Variants in VWA8 observed in about 807,000 individuals in gnomAD.
The protein encoded by VWA8 is von Willebrand factor A domain-containing protein 8.
Under a neutral mutation model 241.5 loss-of-function variants are expected in VWA8, and 221 were observed. The observed-to-expected ratio is 0.91, with a 90% confidence interval of 0.82 to 1.02. The LOEUF is 1.02. Ranked by LOEUF, VWA8 falls within the 50% of genes least tolerant of loss-of-function variation. The pLI is 0.00. For missense variants in VWA8, 2,322 were observed against 2,328.7 expected (o/e 1.00, Z 0.06); for synonymous variants, 852 against 827.1 (o/e 1.03, Z -0.52).
chr13:41,766,201 C>T (rs2045777958), intron 20 of VWA8, among the ~76,000 whole-genome samples: 1 of 152,016 alleles, frequency 6.6e-6, no homozygotes, highest in South Asian at 2.1e-4. Flanking sequence ...TTTTAGTTAC[C>T]CTGTTTCCTC....
At chr13:41,871,336 G>A (rs567376629) in intron 9 of VWA8, among the ~76,000 whole-genome samples, 2 of 151,790 alleles carry the variant, frequency 1.3e-5, no homozygotes, top group East Asian at 3.9e-4. Flanking sequence ...TTAAGTTTTA[G>A]GGTACATGTG....
chr13:41,703,942 C>T (rs1279839435), intron 26 of VWA8, among the ~76,000 whole-genome samples: 1 of 151,958 alleles, frequency 6.6e-6, no homozygotes. Context: ...CCACACCCGG[C>T]TAATTTTGTA....
chr13:41,929,899 T>C (rs1392260183), intron 2 of VWA8, among the ~76,000 whole-genome samples: 1 of 152,104 alleles, frequency 6.6e-6, no homozygotes, highest in Non-Finnish European at 1.5e-5. Context: ...TACATAAAAC[T>C]AAAAATCTTT....
chr13:41,578,148 CT>C (rs2044362076), intron 42 of VWA8, among the ~76,000 whole-genome samples: 2 of 152,168 alleles, frequency 1.3e-5, no homozygotes, highest in South Asian at 4.1e-4. Flanking sequence ...CTTCTTCCCT[CT>C]TCCCTTTCTT....
At chr13:41,960,116 C>G (rs764899498) in intron 1 of VWA8, among the ~76,000 whole-genome samples, 1 of 152,142 alleles carries the variant, frequency 6.6e-6, no homozygotes, top group Non-Finnish European at 1.5e-5. Context: ...CACCAACACA[C>G]AAGAAAAAGA....
chr13:41,881,704 A>G, intron 9 of VWA8, among the ~76,000 whole-genome samples: 1 of 145,406 alleles, frequency 6.9e-6, no homozygotes, highest in South Asian at 2.2e-4. Context: ...CACCTCCCGG[A>G]CGGGGCGGCT....
intron 14 of VWA8, among the ~76,000 whole-genome samples, chr13:41,828,665 T>C (rs978039415): frequency 5.3e-5 from 8 of 152,110 alleles, no homozygotes; most frequent in Non-Finnish European, 1.0e-4. Context: ...CACACACACA[T>C]ACATGTCTTT....
intron 2 of VWA8, chr13:41,927,317 T>C (rs1368003573): frequency 9.5e-6 from 5 of 528,852 alleles, no homozygotes; most frequent in Non-Finnish European, 1.9e-5. Context: ...ACCACTGATA[T>C]GCTGGAAAGC....
intron 7 of VWA8, 134 bp from the exon 8 acceptor site, chr13:41,886,162 CCGCATCATAATATCCTA>C: frequency 1.6e-6 from 1 of 633,328 alleles, no homozygotes; most frequent in Non-Finnish European, 2.7e-6. Flanking sequence ...AACAATGGTT[CCGCATCATAATATCCTA>C]CTTAAAACTC....
Position 41,727,244 on chromosome 13 carries a change from G to C in VWA8, c.2708C>G (p.Ala903Gly). The change falls in exon 24 of 45, where the codon GCA becomes GGA. Residue 903 changes from alanine to glycine, a missense_variant. Ala to Gly is a moderately conservative substitution (Grantham distance 60). Transcript: ENST00000379310. ...TAGGAAAGGAAATCCAGGTCTATTT[G>C]CCAGAACAATCATCCTAAAATCAGG... The part of the protein sequence containing the change: ...IHPDFRMIVL[A>G]NRPGFPFLGN... 1 of 1,552,030 alleles carries C rather than the reference G, an allele frequency of 6.4e-7. No homozygotes were observed.
At chr13:41,727,391 CAT>C in intron 23 of VWA8, 78 bp from the exon 24 acceptor site, 1 of 1,092,320 alleles carries the variant, frequency 9.2e-7, no homozygotes, top group Non-Finnish European at 1.3e-6. Context: ...TTTTAGATAA[CAT>C]AAATAGTTAT....
In VWA8 at chr13:41,858,713, TG is replaced by T. The variant is rs1872869718; in HGVS notation, c.1425+7022del. 2.0e-5 allele frequency among the ~76,000 whole-genome samples: 3 copies of T among 152,168 alleles called. No homozygotes were observed. In the South Asian group the frequency reaches 6.2e-4, roughly 32 times the overall value. ...GCTAGAGTCAACCATTTTAAAGTTC[TG>T]ATGTGATCAACAGTATATACATGGT... is the stretch of plus-strand genomic sequence containing the variant. On this transcript the variant is annotated intron_variant, in intron 12 of 44. Transcript: ENST00000379310.
intron 37 of VWA8, among the ~76,000 whole-genome samples, chr13:41,619,927 TTC>T (rs1202131785): frequency 1.3e-5 from 2 of 152,196 alleles, no homozygotes; most frequent in Non-Finnish European, 2.9e-5. Flanking sequence ...TGGTCTAAAA[TTC>T]TCTGTTTTTG....
intron 37 of VWA8, among the ~76,000 whole-genome samples, chr13:41,658,172 C>T (rs935119084): frequency 1.3e-5 from 2 of 152,112 alleles, no homozygotes; most frequent in Admixed American, 6.6e-5. Context: ...CTTTCAGAAA[C>T]GTTTAGCTGG....
At chr13:41,684,012 T>C (rs2045118106) in intron 35 of VWA8, among the ~76,000 whole-genome samples, 2 of 152,180 alleles carry the variant, frequency 1.3e-5, no homozygotes, top group South Asian at 4.1e-4. Context: ...TTAACTCTCA[T>C]CTTTCAAGAG....
chr13:41,690,824 C>T (rs556675972), intron 32 of VWA8, among the ~76,000 whole-genome samples: 2 of 152,136 alleles, frequency 1.3e-5, no homozygotes, highest in South Asian at 2.1e-4. Flanking sequence ...AAGTCGACAC[C>T]GCCTTTCATC....
At chr13:41,780,262 C>CA (rs1421271863) in intron 19 of VWA8, among the ~76,000 whole-genome samples, 4 of 150,986 alleles carry the variant, frequency 2.6e-5, no homozygotes, top group Non-Finnish European at 5.9e-5. Context: ...CTCATGGCTT[C>CA]AATGACCAGC....
intron 20 of VWA8, among the ~76,000 whole-genome samples, chr13:41,771,204 C>A (rs112640804): frequency 0.023 from 3,456 of 152,232 alleles, 131 homozygotes; most frequent in African/African-American, 0.076. Flanking sequence ...CTCACTGCAA[C>A]CTCCCCCTCC....
At chr13:41,864,093 T>C (rs1488053625) in intron 12 of VWA8, among the ~76,000 whole-genome samples, 1 of 141,570 alleles carries the variant, frequency 7.1e-6, no homozygotes, top group Non-Finnish European at 1.5e-5. Context: ...GAACTGCAAA[T>C]CAAAACCACA....
Sources: allele counts gnomAD v4.1 joint callset (sites outside exome capture counted in the v4.1 genomes callset), GRCh38; gene constraint gnomAD v4.1.1; transcripts MANE v1.5; gene names NCBI Gene and HGNC (gene_info 2026-07-23, HGNC 2026-07-21).